The following CCR9 variants were observed in gnomAD, a reference collection of about 807,000 sequenced individuals.
The protein encoded by CCR9 is C-C motif chemokine receptor 9, also known as C-C chemokine receptor type 9.
In CCR9, 4 loss-of-function variants were observed where a neutral mutation model predicts 8.7. That is an observed-to-expected ratio of 0.46 (90% CI 0.23 to 1.06). CCR9 has a LOEUF of 1.06. CCR9 is among the 50% of genes least tolerant of loss of function. CCR9 has a pLI of 0.21. For synonymous variants in CCR9, 159 were observed against 168.8 expected, an observed-to-expected ratio of 0.94 and a Z score of 0.45; for missense variants, 394 against 453.6, an observed-to-expected ratio of 0.87 and a Z score of 1.19.
rs758541997 is a variant in CCR9 at position 45,901,920 on chromosome 3, G to T, written c.*22G>T. On this transcript the variant is annotated 3_prime_UTR_variant, in exon 3 of 3. Coordinates refer to ENST00000357632, the MANE Select transcript of CCR9 (RefSeq NM_031200.3). This position sits in a 1 kb window ranked among gnomAD's most constrained non-coding sequence, Gnocchi z 4.3. The stretch of plus-strand genomic sequence containing the variant: ...CTGAGGGGTCTTCTCTGAGGTGCAT[G>T]GTTCTTTTGGAAGAAATGAGAAATA... 1.3e-6 allele frequency: 2 copies of T among 1,531,606 alleles called. No homozygotes were observed. Among genetic ancestry groups the T allele is most frequent in the Non-Finnish European group, 1.8e-6 (2 of 1,138,530 alleles). The allele number at this position is 1,531,606 out of a possible 1,614,324, so 94.9% of individuals were successfully genotyped here. A position where few individuals can be genotyped will look rare whatever the true frequency, so the allele number is the denominator to read the frequency against.
intron 1 of CCR9, among the ~76,000 whole-genome samples, chr3:45,886,881 A>C (rs1426407822): frequency 6.6e-6 from 1 of 152,144 alleles, no homozygotes; most frequent in Non-Finnish European, 1.5e-5. Context: ...CTTCACATAC[A>C]TGAAGCTTAG....
Position 45,901,946 on chromosome 3 carries a change from C to T in CCR9, c.*48C>T. ...GTTCTTTTGGAAGAAATGAGAAATA[C>T]AGAAACAGTTTCCCCACTGATGGGA... On this transcript the variant is annotated 3_prime_UTR_variant, in exon 3 of 3. Coordinates refer to ENST00000357632, the MANE Select transcript of CCR9 (RefSeq NM_031200.3). This position sits in a 1 kb window ranked among gnomAD's most constrained non-coding sequence, Gnocchi z 4.3. 2 of 1,478,298 alleles carry T rather than the reference C, an allele frequency of 1.4e-6. No individual in the cohort carries two copies. Among genetic ancestry groups the T allele is most frequent in the Non-Finnish European group, 1.8e-6 (2 of 1,096,570 alleles). The allele number at this position is 1,478,298 out of a possible 1,614,324, so 91.6% of individuals were successfully genotyped here. A position where few individuals can be genotyped will look rare whatever the true frequency, so the allele number is the denominator to read the frequency against.
intron 1 of CCR9, among the ~76,000 whole-genome samples, chr3:45,890,279 T>TATAAATATATATATAAC (rs1553616516): frequency 0.066 from 4,987 of 75,774 alleles, 1,471 homozygotes; most frequent in East Asian, 0.2. Context: ...AACATATATA[T>TATAAATATATATATAAC]ATATTTATAT....
chr3:45,886,604 CTG>C lies in CCR9; in HGVS notation c.-79_-78del, dbSNP rs746954948. 5 of 152,258 alleles carry C rather than the reference CTG, an allele frequency of 3.3e-5. No individual in the cohort carries two copies. Among genetic ancestry groups the C allele is most frequent in the Admixed American group, 6.5e-5 (1 of 15,278 alleles). The allele number at this position is 152,258 out of a possible 1,614,324, so 9.4% of individuals were successfully genotyped here. A position where few individuals can be genotyped will look rare whatever the true frequency, so the allele number is the denominator to read the frequency against. On this transcript the variant is annotated 5_prime_UTR_variant, in exon 1 of 3. Coordinates refer to ENST00000357632, the MANE Select transcript of CCR9 (RefSeq NM_031200.3). ...AGCAACCCAGCTCTTTCCCCAGACA[CTG>C]AGAGCTGGTGGTGCCTGCTGTCCCA...
intron 2 of CCR9, among the ~76,000 whole-genome samples, chr3:45,898,692 G>T (rs1559425562): frequency 6.6e-6 from 1 of 152,182 alleles, no homozygotes; most frequent in African/African-American, 2.4e-5. Flanking sequence ...GCCCAAATAG[G>T]ACTAACATCT....
At chr3:45,888,193 C>T (rs1701488921) in intron 1 of CCR9, among the ~76,000 whole-genome samples, 1 of 152,206 alleles carries the variant, frequency 6.6e-6, no homozygotes, top group South Asian at 2.1e-4. Flanking sequence ...TCCCAGGTCC[C>T]TGCACATACC....
At chr3:45,887,868 AC>A (rs1430887614) in intron 1 of CCR9, among the ~76,000 whole-genome samples, 2 of 152,214 alleles carry the variant, frequency 1.3e-5, no homozygotes, top group Non-Finnish European at 2.9e-5. Context: ...CGTGTAGGGA[AC>A]AAAAAGCAGA....
intron 2 of CCR9, among the ~76,000 whole-genome samples, chr3:45,896,940 A>G (rs1702374923): frequency 2.6e-5 from 4 of 152,184 alleles, no homozygotes; most frequent in South Asian, 4.1e-4. Flanking sequence ...CAGAGAACAC[A>G]TGAGCCAGAG....
At chr3:45,895,244 A>T (rs1559423929) in intron 2 of CCR9, 2 of 484,248 alleles carry the variant, frequency 4.1e-6, no homozygotes, top group Non-Finnish European at 3.7e-6. Context: ...GCTTAGTTCC[A>T]TATGCCTGTT....
chr3:45,899,833 C>A (rs1035265252), intron 2 of CCR9, among the ~76,000 whole-genome samples: 2 of 152,162 alleles, frequency 1.3e-5, no homozygotes, highest in Non-Finnish European at 2.9e-5. Context: ...ATCTCAGGGT[C>A]TCATTTCCAG....
At chr3:45,888,719 A>C (rs1702057427) in intron 1 of CCR9, among the ~76,000 whole-genome samples, 1 of 152,166 alleles carries the variant, frequency 6.6e-6, no homozygotes. Context: ...CCGCTTTCTC[A>C]CTGGCAAGAC....
At position 45,890,350 on chromosome 3, in the gene CCR9, C is replaced by CATATATATATATAACAT. The variant is rs1559421663; in HGVS notation, c.-29+3708_-29+3709insACATATATATATATATA. Among the ~76,000 whole-genome samples, 15 of 23,076 alleles carry CATATATATATATAACAT rather than the reference C, an allele frequency of 6.5e-4. 5 individuals carry two copies. The highest frequency in any genetic ancestry group is 2.1e-3 in the African/African-American group (12 of 5,738). 15.1% of individuals were successfully genotyped at this position (23,076 alleles called of 152,430 possible). Reference sequence around the variant, plus strand: ...ATATATATATAACATATATATATAACATATATATATATATAACATATATAA... The same window carrying CATATATATATATAACAT: ...ATATATATATAACATATATATATAACATATATATATATAACATATATATATATATATAACATATATAA... On this transcript the variant is annotated intron_variant, in intron 1 of 2. Coordinates refer to ENST00000357632, the MANE Select transcript of CCR9 (RefSeq NM_031200.3).
Position 45,890,333 on chromosome 3 carries a change from A to ATT in CCR9, c.-29+3679_-29+3680insTT, listed in dbSNP as rs1431060696. Among the ~76,000 whole-genome samples, 28 of 72,986 alleles carry ATT rather than the reference A, an allele frequency of 3.8e-4. 5 individuals carry two copies. Among genetic ancestry groups the ATT allele is most frequent in the East Asian group, 1.3e-3 (4 of 3,184 alleles). The allele number at this position is 72,986 out of a possible 152,430, so 47.9% of individuals were successfully genotyped here. ...TATATATATTTATATAAATATATAT[A>ATT]TAACATATATATATAACATATATAT... On this transcript the variant is annotated intron_variant, in intron 1 of 2. Transcript: ENST00000357632.
upstream of CCR9, among the ~76,000 whole-genome samples, chr3:45,886,201 A>G (rs148356512): frequency 9.2e-3 from 1,404 of 152,154 alleles, 27 homozygotes; most frequent in African/African-American, 0.032. Flanking sequence ...AGGTGACACC[A>G]CCTAAAGAAA....
intron 1 of CCR9, among the ~76,000 whole-genome samples, chr3:45,890,347 T>TTTATATA (rs1559421639): frequency 0.056 from 1,378 of 24,498 alleles, 248 homozygotes; most frequent in African/African-American, 0.17. Flanking sequence ...CATATATATA[T>TTTATATA]AACATATATA....
At chr3:45,893,507 G>A (rs1022662730) in intron 1 of CCR9, among the ~76,000 whole-genome samples, 48 of 152,246 alleles carry the variant, frequency 3.2e-4, no homozygotes, top group South Asian at 1.9e-3. Context: ...TCTGCTTTCC[G>A]TCAGTATAGA....
rs952393284 is a variant in CCR9 at position 45,902,304 on chromosome 3, C to T, written c.*406C>T. On this transcript the variant is annotated 3_prime_UTR_variant, in exon 3 of 3. Coordinates refer to ENST00000357632, the MANE Select transcript of CCR9 (RefSeq NM_031200.3). ...GACACAGAAGCACTGGCTGCTGCTA[C>T]AGACCGCAAAAGCAGAAAGTTTCGT... 2 of 179,802 alleles carry T rather than the reference C, an allele frequency of 1.1e-5. No homozygotes were observed. The highest frequency in any genetic ancestry group is 4.8e-5 in the African/African-American group (2 of 41,996). 11.1% of individuals were successfully genotyped at this position (179,802 alleles called of 1,614,324 possible).
At chr3:45,887,322 T>C (rs912593468) in intron 1 of CCR9, among the ~76,000 whole-genome samples, 3 of 152,026 alleles carry the variant, frequency 2.0e-5, no homozygotes, top group Non-Finnish European at 4.4e-5. Context: ...TCTCAGAAAC[T>C]TAACAATGGC....
intron 1 of CCR9, among the ~76,000 whole-genome samples, chr3:45,893,545 C>T (rs768198807): frequency 5.9e-5 from 9 of 152,194 alleles, no homozygotes; most frequent in Non-Finnish European, 1.0e-4. Context: ...GAGTTTTATA[C>T]AAGTGAAATC....
Sources: gnomAD v4.1 joint callset for allele counts (sites outside exome capture counted in the v4.1 genomes callset) on GRCh38, gnomAD v4.1.1 for gene constraint, Gnocchi (gnomAD v3.1) non-coding constraint, MANE v1.5 for transcripts, NCBI Gene and HGNC (gene_info 2026-07-23, HGNC 2026-07-21) for gene names.